The following ARMH4 variants were observed in gnomAD, a reference collection of about 807,000 sequenced individuals.
ARMH4 encodes the protein armadillo-like helical domain-containing protein 4.
In ARMH4, 49 loss-of-function variants were observed where a neutral mutation model predicts 61.9. The ratio of observed to expected loss-of-function variants is 0.79; its 90% CI spans 0.63 to 1.00. ARMH4 has a LOEUF of 1.00. Among genes scored for constraint, ARMH4 ranks in the 50% least tolerant of loss-of-function variants. ARMH4 has a pLI of 0.00. For synonymous variants in ARMH4, 368 were observed against 341.5 expected, an observed-to-expected ratio of 1.08 and a Z score of -0.85; for missense variants, 934 against 930.0, an observed-to-expected ratio of 1.00 and a Z score of -0.06.
At chr14:58,101,596 A>T (rs563387022) in intron 4 of ARMH4, 12 of 152,302 alleles carry the variant, frequency 7.9e-5, no homozygotes, top group Non-Finnish European at 1.6e-4. Context: ...AAACTCAAGC[A>T]AGTCAATTCT....
chr14:58,059,789 T>C (rs1283743426), intron 5 of ARMH4, among the ~76,000 whole-genome samples: 4 of 152,200 alleles, frequency 2.6e-5, no homozygotes, highest in African/African-American at 9.7e-5. Flanking sequence ...TACACTCTTG[T>C]TCATTTTTCC....
chr14:58,028,564 T>C (rs1289161438), intron 5 of ARMH4, among the ~76,000 whole-genome samples: 1 of 152,170 alleles, frequency 6.6e-6, no homozygotes, highest in Non-Finnish European at 1.5e-5. Flanking sequence ...GGTGCCATCT[T>C]TGTGCAGGGG....
At chr14:58,082,749 T>A (rs1488944317) in intron 5 of ARMH4, among the ~76,000 whole-genome samples, 1 of 152,194 alleles carries the variant, frequency 6.6e-6, no homozygotes, top group East Asian at 1.9e-4. Flanking sequence ...CAAAAATTTA[T>A]AAATAGCAAA....
chr14:58,147,194 T>G (rs1007974926), intron 1 of ARMH4, among the ~76,000 whole-genome samples: 4 of 152,156 alleles, frequency 2.6e-5, no homozygotes, highest in African/African-American at 9.7e-5. Context: ...GATCCTCCTC[T>G]CATAATCTCT....
intron 1 of ARMH4, chr14:58,141,404 G>A (rs1373823712): frequency 1.9e-5 from 10 of 534,038 alleles, no homozygotes; most frequent in African/African-American, 7.7e-5. Context: ...GACCAGCAGC[G>A]TCTGATATTT....
At chr14:58,030,490 A>G (rs957999370) in intron 5 of ARMH4, among the ~76,000 whole-genome samples, 13 of 152,240 alleles carry the variant, frequency 8.5e-5, no homozygotes, top group African/African-American at 3.1e-4. Flanking sequence ...AGAAATGACC[A>G]TCTTAACCAT....
At chr14:58,054,869 C>CAAAAAAA (rs72336341) in intron 5 of ARMH4, among the ~76,000 whole-genome samples, 2 of 104,164 alleles carry the variant, frequency 1.9e-5, no homozygotes, top group Non-Finnish European at 3.9e-5. Context: ...GACTCTGTCT[C>CAAAAAAA]AAAAAAAAAA....
At chr14:58,049,001 G>T (rs529605244) in intron 5 of ARMH4, among the ~76,000 whole-genome samples, 264 of 152,222 alleles carry the variant, frequency 1.7e-3, no homozygotes, top group African/African-American at 5.9e-3. Context: ...ACTTTGGGAG[G>T]CCAAGGAGGG....
chr14:58,057,570 C>CTGTG (rs58765566), intron 5 of ARMH4, among the ~76,000 whole-genome samples: 1 of 149,382 alleles, frequency 6.7e-6, no homozygotes, highest in Non-Finnish European at 1.5e-5. Context: ...GTGTGTGTGT[C>CTGTG]TGTGTGTGTG....
intron 4 of ARMH4, among the ~76,000 whole-genome samples, chr14:58,102,571 G>A (rs536371763): frequency 2.0e-5 from 3 of 151,854 alleles, no homozygotes; most frequent in Admixed American, 1.3e-4. Context: ...CAGCACTTTG[G>A]GAGGCCGAGG....
intron 5 of ARMH4, among the ~76,000 whole-genome samples, chr14:58,015,522 G>T (rs966433267): frequency 6.6e-6 from 1 of 152,116 alleles, no homozygotes; most frequent in Non-Finnish European, 1.5e-5. Flanking sequence ...GAACACTCAG[G>T]TGCTTAATAA....
intron 5 of ARMH4, among the ~76,000 whole-genome samples, chr14:58,074,069 C>G (rs1161144515): frequency 6.6e-6 from 1 of 152,178 alleles, no homozygotes; most frequent in African/African-American, 2.4e-5. Context: ...CTAAGTACAA[C>G]AAGCAGCCAT....
intron 5 of ARMH4, among the ~76,000 whole-genome samples, chr14:58,081,188 C>T (rs2141242628): frequency 6.6e-6 from 1 of 152,270 alleles, no homozygotes; most frequent in South Asian, 2.1e-4. Context: ...AAAGTGCATC[C>T]TCTGGCCCCT....
chr14:58,128,358 T>C (rs1886971922), intron 4 of ARMH4, among the ~76,000 whole-genome samples: 1 of 152,196 alleles, frequency 6.6e-6, no homozygotes, highest in South Asian at 2.1e-4. Context: ...TATGCAGTTA[T>C]AAAATATGTA....
chr14:58,034,205 T>C (rs1207575898), intron 5 of ARMH4, among the ~76,000 whole-genome samples: 1 of 137,092 alleles, frequency 7.3e-6, no homozygotes, highest in East Asian at 2.1e-4. Context: ...AGCGGATCTC[T>C]CGGCAGAAAC....
chr14:58,064,096 TG>T (rs1709446353), intron 5 of ARMH4, among the ~76,000 whole-genome samples: 2 of 149,958 alleles, frequency 1.3e-5, no homozygotes, highest in Admixed American at 1.3e-4. Context: ...CCCAAAATGT[TG>T]GCATTAAAAT....
intron 5 of ARMH4, among the ~76,000 whole-genome samples, chr14:58,063,419 T>C (rs1884594291): frequency 6.6e-6 from 1 of 152,172 alleles, no homozygotes; most frequent in Admixed American, 6.5e-5. Flanking sequence ...GGGAACACAA[T>C]TTGACCCATA....
intron 5 of ARMH4, among the ~76,000 whole-genome samples, chr14:58,047,200 A>T (rs1400017734): frequency 2.0e-5 from 3 of 152,216 alleles, no homozygotes; most frequent in African/African-American, 7.2e-5. Context: ...ATAACGTGGG[A>T]TTATCAGCTA....
At chr14:58,117,084 T>C (rs1886556010) in intron 4 of ARMH4, among the ~76,000 whole-genome samples, 2 of 152,344 alleles carry the variant, frequency 1.3e-5, no homozygotes, top group Non-Finnish European at 2.9e-5. Context: ...CTCCAGTAGC[T>C]GGGATTACAG....
Sources: allele counts gnomAD v4.1 joint callset (sites outside exome capture counted in the v4.1 genomes callset), GRCh38; gene constraint gnomAD v4.1.1; transcripts MANE v1.5; gene names NCBI Gene and HGNC (gene_info 2026-07-23, HGNC 2026-07-21).